Variants in TATDN1 observed in about 807,000 individuals in gnomAD.
TATDN1 encodes deoxyribonuclease TATDN1.
A neutral mutation model predicts 46.4 loss-of-function variants in TATDN1; 40 were observed. The ratio of observed to expected loss-of-function variants is 0.86; its 90% CI spans 0.67 to 1.12. TATDN1 has a LOEUF of 1.12. TATDN1 is among the 50% of genes most tolerant of loss of function. The pLI, the probability that TATDN1 is intolerant of heterozygous loss-of-function variation, is 0.00. For synonymous variants in TATDN1, 95 were observed against 105.6 expected (o/e 0.90, Z 0.62); for missense variants, 326 against 348.4 (o/e 0.94, Z 0.51).
chr8:124,505,238 G>T (rs1270027527), intron 8 of TATDN1, among the ~76,000 whole-genome samples: 2 of 151,392 alleles, frequency 1.3e-5, no homozygotes, highest in Non-Finnish European at 2.9e-5. Context: ...CACAAAATTA[G>T]CTGGGCATGG....
chr8:124,505,337 T>C (rs958659893), intron 8 of TATDN1, among the ~76,000 whole-genome samples: 1 of 151,470 alleles, frequency 6.6e-6, no homozygotes, highest in Non-Finnish European at 1.5e-5. Context: ...TGAGCTGAGA[T>C]CACATCATTA....
At chr8:124,518,651 A>G (rs1819747104) in intron 4 of TATDN1, 167 bp downstream of exon 4, 1 of 602,840 alleles carries the variant, frequency 1.7e-6, no homozygotes, top group African/African-American at 1.9e-5. Context: ...TGATATACCA[A>G]TGAGTACTTT....
Position 124,494,179 on chromosome 8 carries a change from A to C in TATDN1, c.665-220T>G, listed in dbSNP as rs530775903. 30 of 354,774 alleles carry C rather than the reference A, an allele frequency of 8.5e-5. No homozygotes were observed. In the Admixed American group the frequency reaches 1.1e-3, roughly 12 times the overall value. 22.0% of individuals were successfully genotyped at this position (354,774 alleles called of 1,614,324 possible). On this transcript the variant is annotated intron_variant, in intron 10 of 11. Transcript: ENST00000276692. ...TCACTTCTATTCCTTTTTTCTGCTA[A>C]CATTGTTGGTGTGCAGCATGCTTTA...
chr8:124,536,974 G>T (rs966589567), intron 1 of TATDN1, among the ~76,000 whole-genome samples: 22 of 151,954 alleles, frequency 1.4e-4, no homozygotes, highest in Non-Finnish European at 3.1e-4. Context: ...AATTAGGGAA[G>T]GCTATACTTC....
chr8:124,506,838 C>T (rs1010998319), intron 8 of TATDN1, among the ~76,000 whole-genome samples: 1 of 152,036 alleles, frequency 6.6e-6, no homozygotes, highest in African/African-American at 2.4e-5. Context: ...TTTTCTAAGG[C>T]AGGTTTCCAA....
chr8:124,516,035 C>G lies in TATDN1; in HGVS notation c.203-5G>C. 6.3e-7 allele frequency: 1 copy of G among 1,595,340 alleles called. No individual in the cohort carries two copies. The highest frequency in any genetic ancestry group is 8.5e-7 in the Non-Finnish European group (1 of 1,173,126). On this transcript the variant is annotated splice_polypyrimidine_tract_variant and splice_region_variant and intron_variant, in intron 4 of 11. Coordinates refer to ENST00000276692, the MANE Select transcript of TATDN1 (RefSeq NM_032026.4). Reference sequence around the variant, plus strand: ...CAACTGTACTGAAAAACATACCTAACAGAAAATAATGTCTTAGGATTATTT... The same window carrying G: ...CAACTGTACTGAAAAACATACCTAAGAGAAAATAATGTCTTAGGATTATTT...
At chr8:124,500,765 A>AC (rs1455893249) in intron 9 of TATDN1, among the ~76,000 whole-genome samples, 1 of 151,900 alleles carries the variant, frequency 6.6e-6, no homozygotes. Context: ...AAAAAAAAAA[A>AC]ACAAAACCAA....
chr8:124,489,657 C>T (rs1356586963), intron 11 of TATDN1: 1 of 151,286 alleles, frequency 6.6e-6, no homozygotes, highest in Non-Finnish European at 1.5e-5. Flanking sequence ...TTGTGATCCA[C>T]CCCACCTGGG....
At chr8:124,517,228 G>T (rs1819552505) in intron 4 of TATDN1, among the ~76,000 whole-genome samples, 1 of 152,180 alleles carries the variant, frequency 6.6e-6, no homozygotes, top group Admixed American at 6.5e-5. Flanking sequence ...AGGAGTTCAA[G>T]ACCAGCCTGA....
intron 9 of TATDN1, among the ~76,000 whole-genome samples, chr8:124,502,471 G>A (rs1818058453): frequency 1.3e-5 from 2 of 152,018 alleles, no homozygotes; most frequent in South Asian, 2.1e-4. Flanking sequence ...CTTCAGAATC[G>A]TGTAGTTGCT....
chr8:124,513,320 A>C (rs1445244948), intron 6 of TATDN1, among the ~76,000 whole-genome samples: 1 of 151,918 alleles, frequency 6.6e-6, no homozygotes, highest in Non-Finnish European at 1.5e-5. Flanking sequence ...TAGCTTATCC[A>C]CTCTGGAAGA....
chr8:124,518,263 G>A (rs1435341228), intron 4 of TATDN1, among the ~76,000 whole-genome samples: 1 of 124,438 alleles, frequency 8.0e-6, no homozygotes, highest in Non-Finnish European at 1.6e-5. Context: ...AGTGGCTCAC[G>A]CCTGTAATCC....
At chr8:124,505,592 G>A (rs1002715512) in intron 8 of TATDN1, among the ~76,000 whole-genome samples, 11 of 147,824 alleles carry the variant, frequency 7.4e-5, no homozygotes, top group Non-Finnish European at 1.5e-5. Context: ...AGCTTAGCAA[G>A]CAGAAGGGAT....
chr8:124,499,832 C>CAA (rs1481522528), intron 9 of TATDN1, among the ~76,000 whole-genome samples: 3 of 150,744 alleles, frequency 2.0e-5, no homozygotes, highest in East Asian at 3.9e-4. Context: ...GTGTGAGTCA[C>CAA]TGCGCCCGGC....
intron 9 of TATDN1, among the ~76,000 whole-genome samples, chr8:124,495,949 C>A (rs775239834): frequency 9.9e-5 from 15 of 152,228 alleles, no homozygotes; most frequent in Non-Finnish European, 2.2e-4. Flanking sequence ...AATTATGTAT[C>A]TGCACCCTTG....
At position 124,539,083 on chromosome 8, in the gene TATDN1, G is replaced by C. The variant is rs776523775; in HGVS notation, c.-37C>G. ...GAGGACCTCCCCAGCGGAAGCGGAAGTGGCCGCCGGCAACTCCGCCCTTCC... is the reference window on the plus strand; with the variant it reads ...GAGGACCTCCCCAGCGGAAGCGGAACTGGCCGCCGGCAACTCCGCCCTTCC... On this transcript the variant is annotated 5_prime_UTR_variant, in exon 1 of 12. Coordinates refer to ENST00000276692, the MANE Select transcript of TATDN1 (RefSeq NM_032026.4). 3 of 1,611,710 alleles carry C rather than the reference G, an allele frequency of 1.9e-6. No individual in the cohort carries two copies. Among genetic ancestry groups the C allele is most frequent in the South Asian group, 2.2e-5 (2 of 91,058 alleles).
intron 1 of TATDN1, among the ~76,000 whole-genome samples, chr8:124,528,937 G>T (rs1336782174): frequency 6.6e-6 from 1 of 152,204 alleles, no homozygotes; most frequent in Non-Finnish European, 1.5e-5. Context: ...GTCACGAGAA[G>T]CCTGAGTAGG....
At chr8:124,501,275 G>C (rs543421498) in intron 9 of TATDN1, among the ~76,000 whole-genome samples, 1 of 152,248 alleles carries the variant, frequency 6.6e-6, no homozygotes, top group East Asian at 1.9e-4. Context: ...GAGAACACAG[G>C]ATCCCTTTCT....
At chr8:124,494,703 A>G (rs1305998624) in intron 10 of TATDN1, 1 of 147,364 alleles carries the variant, frequency 6.8e-6, no homozygotes, top group African/African-American at 2.5e-5. Flanking sequence ...TGCCACCACC[A>G]CACCCAGCTA....
Sources: gnomAD v4.1 joint callset for allele counts (sites outside exome capture counted in the v4.1 genomes callset) on GRCh38, gnomAD v4.1.1 for gene constraint, MANE v1.5 for transcripts, NCBI Gene and HGNC (gene_info 2026-07-23, HGNC 2026-07-21) for gene names.